Variants in SLC4A9 observed in about 807,000 individuals in gnomAD.
SLC4A9 encodes the protein anion exchange protein 4.
In SLC4A9, 102 loss-of-function variants were observed where a neutral mutation model predicts 103.2. The observed-to-expected ratio is 0.99, with a 90% CI of 0.84 to 1.17. The LOEUF (loss-of-function observed/expected upper bound fraction) is 1.17, where lower values mean the gene tolerates loss of function less well. SLC4A9 is among the 50% of genes most tolerant of loss of function. The pLI is 0.00. For synonymous variants in SLC4A9, 453 were observed against 483.6 expected, an observed-to-expected ratio of 0.94 and a Z score of 0.83; for missense variants, 1,091 against 1,193.7, an observed-to-expected ratio of 0.91 and a Z score of 1.27.
chr5:140,364,346 G>C lies in SLC4A9; in HGVS notation c.1389-17G>C. 1 of 1,611,554 alleles carries C rather than the reference G, an allele frequency of 6.2e-7. No homozygotes were observed. The highest frequency in any genetic ancestry group is 8.5e-7 in the Non-Finnish European group (1 of 1,179,168). On this transcript the variant is annotated splice_polypyrimidine_tract_variant and intron_variant, in intron 10 of 21. Coordinates refer to ENST00000506757, the MANE Select transcript of SLC4A9 (RefSeq NM_031467.3). ...ACAGCCCTGCTAAGCCAGCCTTCCT[G>C]TCTCTCATCCCCACAGAGATTACAG...
chr5:140,362,885 C>A (rs1301678692), intron 6 of SLC4A9, 27 bp from the exon 7 acceptor site: 2 of 1,613,978 alleles, frequency 1.2e-6, no homozygotes, highest in South Asian at 2.2e-5. Context: ...TTTGCACTTA[C>A]CACCCATTCT....
rs1403227574 is a variant in SLC4A9 at position 140,363,468 on chromosome 5, G to A, written c.992G>A (p.Gly331Asp). The A allele has an allele frequency of 6.4e-7, 1 of 1,551,242 alleles. No individual in the cohort carries two copies. Among genetic ancestry groups the A allele is most frequent in the East Asian group, 2.4e-5 (1 of 40,926 alleles). Residue 331 changes from glycine (G) to aspartate (D), a missense_variant, in exon 8 of 22, where the codon GGT becomes GAT. Transcript: ENST00000506757. This position sits in a 1 kb window ranked among gnomAD's most constrained non-coding sequence, Gnocchi z 4.5. ...RLPSQQREIR[G>D]PAVPRLTSAE... ...CCCTCGCAACAGCGGGAGATCAGAG[G>A]TCCCGCCGTCCCGCGCCTGACCTCG...
At chr5:140,364,673 G>C in intron 11 of SLC4A9, 48 bp downstream of exon 11, 1 of 1,570,394 alleles carries the variant, frequency 6.4e-7, no homozygotes, top group Non-Finnish European at 8.6e-7. Context: ...AGGATGTAGG[G>C]AAGGGGAGGG....
At position 140,371,605 on chromosome 5, in the gene SLC4A9, C is replaced by G; in HGVS notation, c.2651C>G (p.Ala884Gly). Residue 884 changes from alanine (A) to glycine (G), a missense_variant, in exon 19 of 22, where the codon GCC becomes GGC. Ala to Gly is a moderately conservative substitution (Grantham distance 60). Transcript: ENST00000506757. Reference sequence around the variant, plus strand: ...TGGATAATCAAGTCTACCCCTGCAGCCATCATCTTCCCCCTCATGGTAAGC... The same window carrying G: ...TGGATAATCAAGTCTACCCCTGCAGGCATCATCTTCCCCCTCATGGTAAGC... ...LLWIIKSTPA[A>G]IIFPLMLLGL... The G allele has an allele frequency of 6.2e-7, 1 of 1,614,022 alleles. No individual in the cohort carries two copies.
intron 14 of SLC4A9, 111 bp downstream of exon 14, chr5:140,366,375 A>C (rs895850780): frequency 4.0e-6 from 3 of 746,712 alleles, no homozygotes; most frequent in Non-Finnish European, 6.5e-6. Flanking sequence ...TTCTTCACTA[A>C]TAAGCTAGAG....
Position 140,363,357 on chromosome 5 carries a change from G to T in SLC4A9, c.963-82G>T, listed in dbSNP as rs1031592661. The stretch of plus-strand genomic sequence containing the variant: ...CGGCAGAGACAAGAGCAGCCGCTAG[G>T]GGGCAGGGCGCCACGAGCTCTGGAC... On this transcript the variant is annotated intron_variant, in intron 7 of 21. Transcript: ENST00000506757. This position sits in a 1 kb window ranked among gnomAD's most constrained non-coding sequence, Gnocchi z 4.5. 3.8e-6 allele frequency: 5 copies of T among 1,300,510 alleles called. No homozygotes were observed. Among genetic ancestry groups the T allele is most frequent in the Non-Finnish European group, 5.4e-6 (5 of 934,508 alleles). The allele number at this position is 1,300,510 out of a possible 1,614,324, so 80.6% of individuals were successfully genotyped here.
chr5:140,364,003 A>G, intron 9 of SLC4A9, 51 bp from the exon 10 acceptor site: 1 of 1,534,672 alleles, frequency 6.5e-7, no homozygotes, highest in Non-Finnish European at 8.8e-7. Context: ...CAAAGCTTCA[A>G]AGGACCCCGA....
chr5:140,363,866 TG>T lies in SLC4A9; in HGVS notation c.1223del (p.Gly408ValfsTer29). On this transcript the variant is annotated frameshift_variant, in exon 9 of 22. Transcript: ENST00000506757. LOFTEE classifies it high-confidence loss of function. The surrounding 1 kb of genome is among the most constrained non-coding windows in gnomAD (Gnocchi z 4.5). ...CCACTGTCACTAATGCCATCACTTT[TG>T]GGGGTCTGCTGGGAGATGCCACTGA... Reference protein sequence around the residue: ...LATVTNAITFGGLLGDATDGA... With the variant: ...LATVTNAITFXGLLGDATDGA... 2 of 1,613,946 alleles carry T rather than the reference TG, an allele frequency of 1.2e-6. No individual in the cohort carries two copies. Among genetic ancestry groups the T allele is most frequent in the Non-Finnish European group, 8.5e-7 (1 of 1,179,862 alleles).
At chr5:140,365,059 A>C (rs1561593087) in intron 11 of SLC4A9, among the ~76,000 whole-genome samples, 1 of 152,186 alleles carries the variant, frequency 6.6e-6, no homozygotes, top group Non-Finnish European at 1.5e-5. Context: ...CACCAATCAA[A>C]TATATCACTG....
At chr5:140,374,103 C>T (rs188344316) in intron 21 of SLC4A9, among the ~76,000 whole-genome samples, 130 of 151,934 alleles carry the variant, frequency 8.6e-4, no homozygotes, top group African/African-American at 3.0e-3. Flanking sequence ...ATCACTTGAA[C>T]CTGGGAGGTG....
chr5:140,365,518 A>T lies in SLC4A9; in HGVS notation c.1652-2A>T. On this transcript the variant is annotated splice_acceptor_variant, in intron 11 of 21. Coordinates refer to ENST00000506757, the MANE Select transcript of SLC4A9 (RefSeq NM_031467.3). LOFTEE classifies it high-confidence loss of function. ...ACATCTGAATTCTTCTCTGCTTCCC[A>T]GGAAATGAGTCTCAATGGATAAGGA... 6.2e-7 allele frequency: 1 copy of T among 1,609,280 alleles called. No homozygotes were observed. Among genetic ancestry groups the T allele is most frequent in the Non-Finnish European group, 8.5e-7 (1 of 1,177,720 alleles).
Position 140,360,384 on chromosome 5 carries a change from G to A in SLC4A9, c.148G>A (p.Val50Ile), listed in dbSNP as rs780319344. 2 of 1,606,898 alleles carry A rather than the reference G, an allele frequency of 1.2e-6. No homozygotes were observed. Among genetic ancestry groups the A allele is most frequent in the South Asian group, 2.2e-5 (2 of 89,550 alleles). The change falls in exon 1 of 22, where the codon GTA (valine) becomes ATA (isoleucine). Residue 50 changes from valine (V) to isoleucine (I), a missense_variant. By Grantham distance (29) the Val-to-Ile change is conservative. Transcript: ENST00000506757. Reference protein sequence around the residue: ...PSDTESKELGVPKDPLLFIQL... With the variant: ...PSDTESKELGIPKDPLLFIQL... ...AGACACAGAGAGCAAGGAACTGGGA[G>A]TACCCAAAGACCCTCTGCTCTTCAT...
In SLC4A9 at chr5:140,362,980, A is replaced by G. The variant is rs750673959; in HGVS notation, c.876A>G (p.Leu292=). 3 of 1,612,966 alleles carry G rather than the reference A, an allele frequency of 1.9e-6. No homozygotes were observed. The highest frequency in any genetic ancestry group is 2.7e-5 in the African/African-American group (2 of 74,830). The change falls in exon 7 of 22, where the codon CTA becomes CTG. Residue 292 remains leucine (L), a synonymous_variant. Coordinates refer to ENST00000506757, the MANE Select transcript of SLC4A9 (RefSeq NM_031467.3). ...TTCTGGCAGCCCTGGATGCATTCCTAGAGGAGGTGACAGTGCTTCCCCCAG... is the reference window on the plus strand; with the variant it reads ...TTCTGGCAGCCCTGGATGCATTCCTGGAGGAGGTGACAGTGCTTCCCCCAG... ...HDLLAALDAF[L]EEVTVLPPGR...
Position 140,371,529 on chromosome 5 carries a change from A to G in SLC4A9, c.2575A>G (p.Thr859Ala). Reference protein sequence around the residue: ...DLLLLRHVPLTRVHLFTAIQL... With the variant: ...DLLLLRHVPLARVHLFTAIQL... ...GCTACTCTTGCGGCATGTGCCTCTG[A>G]CCAGGGTCCACCTCTTCACAGCCAT... The change falls in exon 19 of 22, where the codon ACC (threonine) becomes GCC (alanine). Residue 859 changes from threonine (T) to alanine (A), a missense_variant. Transcript: ENST00000506757. The G allele has an allele frequency of 6.2e-7, 1 of 1,613,992 alleles. No homozygotes were observed. The highest frequency in any genetic ancestry group is 8.5e-7 in the Non-Finnish European group (1 of 1,179,882).
chr5:140,369,692 A>C (rs1768410743), intron 17 of SLC4A9, among the ~76,000 whole-genome samples: 1 of 152,122 alleles, frequency 6.6e-6, no homozygotes, highest in Non-Finnish European at 1.5e-5. Context: ...TCATTTACAG[A>C]CATTTACAGA....
Position 140,362,008 on chromosome 5 carries a change from C to T in SLC4A9, c.562-9C>T. ...TTCATATTCTGTGTCTCCTTGAACC[C>T]CCATCCAGTGTCAGAACCCCCTGAG... On this transcript the variant is annotated splice_polypyrimidine_tract_variant and intron_variant, in intron 4 of 21. Coordinates refer to ENST00000506757, the MANE Select transcript of SLC4A9 (RefSeq NM_031467.3). The T allele has an allele frequency of 6.2e-7, 1 of 1,613,526 alleles. No homozygotes were observed. The highest frequency in any genetic ancestry group is 8.5e-7 in the Non-Finnish European group (1 of 1,179,742).
chr5:140,364,585 C>T lies in SLC4A9; in HGVS notation c.1611C>T (p.Ser537=), dbSNP rs111791651. ...THTYPIQKPG[S]SAYGCLCQYP... ...CCTATCCTATCCAGAAGCCTGGGTC[C>T]TCTGCCTACGGGTGCCTCTGCCAAT... is the stretch of plus-strand genomic sequence containing the variant. The change falls in exon 11 of 22, where the codon TCC becomes TCT. Residue 537 remains serine, a synonymous_variant. Transcript: ENST00000506757. 1.2e-6 allele frequency: 2 copies of T among 1,602,478 alleles called. No individual in the cohort carries two copies. Among genetic ancestry groups the T allele is most frequent in the Non-Finnish European group, 1.7e-6 (2 of 1,174,438 alleles).
chr5:140,366,437 T>A (rs1767902339), intron 14 of SLC4A9, among the ~76,000 whole-genome samples, 173 bp downstream of exon 14: 1 of 152,194 alleles, frequency 6.6e-6, no homozygotes, highest in Admixed American at 6.5e-5. Flanking sequence ...AATGAAGTAC[T>A]GCAGCAGACA....
At chr5:140,362,802 G>A in intron 6 of SLC4A9, 110 bp from the exon 7 acceptor site, 1 of 1,383,540 alleles carries the variant, frequency 7.2e-7, no homozygotes, top group South Asian at 1.2e-5. Context: ...AGGAATGTGT[G>A]AATGACTTGT....
Sources: allele counts gnomAD v4.1 joint callset (sites outside exome capture counted in the v4.1 genomes callset), GRCh38; gene constraint gnomAD v4.1.1; non-coding constraint Gnocchi (gnomAD v3.1); transcripts MANE v1.5; gene names NCBI Gene and HGNC (gene_info 2026-07-23, HGNC 2026-07-21).